Variants in UNC13C observed in about 807,000 individuals in gnomAD.
UNC13C encodes the protein protein unc-13 homolog C.
Under a neutral mutation model 245.4 loss-of-function variants are expected in UNC13C, and 174 were observed. That is an observed-to-expected ratio of 0.71 (90% CI 0.63 to 0.80). UNC13C has a LOEUF of 0.80. Among genes scored for constraint, UNC13C ranks in the 30% least tolerant of loss-of-function variants. The pLI is 0.00. For synonymous variants in UNC13C, 992 were observed against 895.1 expected, an observed-to-expected ratio of 1.11 and a Z score of -1.93; for missense variants, 2,829 against 2,602.9, an observed-to-expected ratio of 1.09 and a Z score of -1.89.
At chr15:54,188,236 A>T (rs1295208725) in intron 4 of UNC13C, among the ~76,000 whole-genome samples, 2 of 152,180 alleles carry the variant, frequency 1.3e-5, no homozygotes, top group African/African-American at 2.4e-5. Context: ...TAAGTAGAAA[A>T]CCATAACATT....
At chr15:54,342,038 G>C (rs1168032643) in intron 17 of UNC13C, among the ~76,000 whole-genome samples, 1 of 148,002 alleles carries the variant, frequency 6.8e-6, no homozygotes, top group African/African-American at 2.5e-5. Flanking sequence ...CTCCTTTTTT[G>C]TCCATTGGAG....
At chr15:54,371,519 C>T (rs565250914) in intron 17 of UNC13C, among the ~76,000 whole-genome samples, 1 of 152,062 alleles carries the variant, frequency 6.6e-6, no homozygotes, top group South Asian at 2.1e-4. Flanking sequence ...GGCTTAGCAG[C>T]AGTTCTTAGT....
intron 2 of UNC13C, among the ~76,000 whole-genome samples, chr15:54,062,025 A>C (rs147683752): frequency 9.5e-4 from 144 of 152,226 alleles, no homozygotes; most frequent in Middle Eastern, 3.4e-3. Context: ...ATCTCTTAAG[A>C]ATCTCCATCC....
chr15:54,042,095 G>A (rs567935903), intron 2 of UNC13C, among the ~76,000 whole-genome samples: 1 of 152,160 alleles, frequency 6.6e-6, no homozygotes, highest in Admixed American at 6.5e-5. Context: ...GTGCTTAACT[G>A]GCATATAATG....
intron 30 of UNC13C, among the ~76,000 whole-genome samples, chr15:54,591,399 G>T (rs1420406282): frequency 1.3e-5 from 2 of 152,126 alleles, no homozygotes; most frequent in East Asian, 1.9e-4. Flanking sequence ...GTAGAATTCT[G>T]CTGTGAATCC....
chr15:53,848,857 T>C, the UNC13C span, among the ~76,000 whole-genome samples: 1 of 152,110 alleles, frequency 6.6e-6, no homozygotes, highest in Non-Finnish European at 1.5e-5. Flanking sequence ...TTATATCTTC[T>C]TGATGAATTG....
intron 18 of UNC13C, among the ~76,000 whole-genome samples, chr15:54,410,903 C>T (rs2040404176): frequency 6.6e-6 from 1 of 152,110 alleles, no homozygotes; most frequent in South Asian, 2.1e-4. Context: ...TGTCATTTGC[C>T]AAACTGCTTT....
chr15:54,227,255 T>C (rs940112749), intron 4 of UNC13C, among the ~76,000 whole-genome samples: 3 of 152,100 alleles, frequency 2.0e-5, no homozygotes, highest in Admixed American at 1.3e-4. Context: ...GGTCCATGGA[T>C]GGCCACGGGC....
chr15:54,572,109 C>A (rs1897781922), intron 30 of UNC13C, among the ~76,000 whole-genome samples: 1 of 152,030 alleles, frequency 6.6e-6, no homozygotes, highest in African/African-American at 2.4e-5. Context: ...TGGGAGAACC[C>A]AAACCTAATG....
At chr15:54,600,757 A>G (rs1899368492) in intron 30 of UNC13C, among the ~76,000 whole-genome samples, 1 of 152,100 alleles carries the variant, frequency 6.6e-6, no homozygotes, top group Non-Finnish European at 1.5e-5. Context: ...AACCCCATAC[A>G]TAGATCATTT....
At chr15:54,537,808 C>A (rs1182853261) in intron 26 of UNC13C, among the ~76,000 whole-genome samples, 1 of 151,940 alleles carries the variant, frequency 6.6e-6, no homozygotes, top group Admixed American at 6.6e-5. Flanking sequence ...AAACTGGACC[C>A]TTTCCTTTCA....
At chr15:54,284,626 T>TGC (rs1370025821) in intron 10 of UNC13C, among the ~76,000 whole-genome samples, 3 of 136,648 alleles carry the variant, frequency 2.2e-5, no homozygotes, top group Non-Finnish European at 4.9e-5. Context: ...TGCACACTTG[T>TGC]GCACACACAC....
Position 54,293,946 on chromosome 15 carries a change from T to G in UNC13C, c.3870T>G (p.Asp1290Glu). 1.9e-6 allele frequency: 3 copies of G among 1,589,002 alleles called. No homozygotes were observed. The highest frequency in any genetic ancestry group is 2.6e-6 in the Non-Finnish European group (3 of 1,169,596). The change falls in exon 11 of 33, where the codon GAT becomes GAG. Residue 1290 changes from aspartate (D) to glutamate (E), a missense_variant. By Grantham distance (45) the Asp-to-Glu change is conservative. Coordinates refer to ENST00000260323, the MANE Select transcript of UNC13C (RefSeq NM_001080534.3). ...DRIKVRVWDE[D>E]DDIKSRVKQH... ...TCAAAGTCAGAGTATGGGATGAAGA[T>G]GATGATATTAAATCCAGAGTCAAGC...
At chr15:54,170,668 G>A (rs1273414913) in intron 4 of UNC13C, among the ~76,000 whole-genome samples, 2 of 151,936 alleles carry the variant, frequency 1.3e-5, no homozygotes, top group African/African-American at 4.8e-5. Context: ...TGTACTTTAA[G>A]CTATTTGAAT....
intron 2 of UNC13C, among the ~76,000 whole-genome samples, chr15:54,138,150 A>G (rs144379243): frequency 1.3e-5 from 2 of 152,258 alleles, no homozygotes; most frequent in East Asian, 3.9e-4. Context: ...ACTTTCAAAT[A>G]TTGTGGTCAG....
At chr15:54,094,823 C>A (rs1464284483) in intron 2 of UNC13C, among the ~76,000 whole-genome samples, 1 of 152,180 alleles carries the variant, frequency 6.6e-6, no homozygotes, top group African/African-American at 2.4e-5. Context: ...GAGCCATTCT[C>A]TTTGGGGTTG....
chr15:54,267,509 A>G (rs2036577109), intron 10 of UNC13C, among the ~76,000 whole-genome samples: 2 of 152,208 alleles, frequency 1.3e-5, no homozygotes, highest in South Asian at 2.1e-4. Context: ...GTGAACTGAG[A>G]GTTTTGACCA....
downstream of UNC13C, chr15:54,628,610 T>G (rs28445947): frequency 0.15 from 22,658 of 152,592 alleles, 3,382 homozygotes; most frequent in African/African-American, 0.38. Context: ...CATGCAGCAT[T>G]GTATTGTATC....
intron 10 of UNC13C, among the ~76,000 whole-genome samples, chr15:54,287,817 CCAA>C (rs1473742785): frequency 7.2e-5 from 11 of 152,148 alleles, no homozygotes; most frequent in African/African-American, 2.7e-4. Flanking sequence ...GCATCTGCCA[CCAA>C]CAACCTCTTT....
Sources: gnomAD v4.1 joint callset for allele counts (sites outside exome capture counted in the v4.1 genomes callset) on GRCh38, gnomAD v4.1.1 for gene constraint, MANE v1.5 for transcripts, NCBI Gene and HGNC (gene_info 2026-07-23, HGNC 2026-07-21) for gene names.